AMD1: variants seen among roughly 807,000 people sequenced by gnomAD.
AMD1 encodes adenosylmethionine decarboxylase 1.
Under a neutral mutation model 40.2 loss-of-function variants are expected in AMD1, and 11 were observed. The observed-to-expected ratio is 0.27, with a 90% CI of 0.17 to 0.45. The LOEUF (loss-of-function observed/expected upper bound fraction) is 0.45, where lower values mean the gene tolerates loss of function less well. Among genes scored for constraint, AMD1 ranks in the 20% least tolerant of loss-of-function variants. AMD1 has a pLI of 1.00. For missense variants in AMD1, 257 were observed against 410.2 expected, an observed-to-expected ratio of 0.63 and a Z score of 3.23; for synonymous variants, 121 against 130.8, an observed-to-expected ratio of 0.93 and a Z score of 0.51.
chr6:110,895,644 A>G lies in AMD1; in HGVS notation c.*2028A>G, dbSNP rs985201992. 1 of 152,652 alleles carries G rather than the reference A, an allele frequency of 6.6e-6. No homozygotes were observed. The highest frequency in any genetic ancestry group is 1.5e-5 in the Non-Finnish European group (1 of 68,036). The allele number at this position is 152,652 out of a possible 1,614,324, so 9.5% of individuals were successfully genotyped here. On this transcript the variant is annotated 3_prime_UTR_variant, in exon 9 of 9. Transcript: ENST00000368885. ...CTTTCACTGGTGTTGGACTTAAATC[A>G]GTTGAAATGTATTTCTGTACCACAA...
At chr6:110,859,216 C>CT in the AMD1 span, 1,952 of 629,884 alleles carry the variant, frequency 3.1e-3, no homozygotes, top group Middle Eastern at 4.3e-3. Context: ...GTGTTTTCAT[C>CT]TTTTTTTTTC....
At chr6:110,887,629 A>G in intron 2 of AMD1, 38 bp downstream of exon 2, 1 of 1,383,610 alleles carries the variant, frequency 7.2e-7, no homozygotes, top group Non-Finnish European at 1.0e-6. Flanking sequence ...AGCTAATTTC[A>G]GTCCTAATCA....
chr6:110,855,348 G>A, the AMD1 span, among the ~76,000 whole-genome samples: 1 of 151,986 alleles, frequency 6.6e-6, no homozygotes, highest in East Asian at 1.9e-4. Context: ...TAATAGCCTT[G>A]TTTTATAAAA....
At chr6:110,884,549 T>C (rs1785583804) in intron 1 of AMD1, among the ~76,000 whole-genome samples, 1 of 152,116 alleles carries the variant, frequency 6.6e-6, no homozygotes, top group Admixed American at 6.6e-5. Flanking sequence ...ACTTCCCACA[T>C]CAGCCTACCG....
At chr6:110,877,622 C>T (rs1439815506) in intron 1 of AMD1, among the ~76,000 whole-genome samples, 1 of 152,350 alleles carries the variant, frequency 6.6e-6, no homozygotes, top group Non-Finnish European at 1.5e-5. Context: ...GCTGTTTCCT[C>T]ATCTGTAAAA....
Position 110,889,084 on chromosome 6 carries a change from A to G in AMD1, c.324+101A>G. On this transcript the variant is annotated intron_variant, in intron 3 of 8. Coordinates refer to ENST00000368885, the MANE Select transcript of AMD1 (RefSeq NM_001634.6). Reference sequence around the variant, plus strand: ...AATTTATATACTTACTGCCTTTGTTACAATGCATGCAAACACGTGGTAAGG... The same window carrying G: ...AATTTATATACTTACTGCCTTTGTTGCAATGCATGCAAACACGTGGTAAGG... The G allele has an allele frequency of 5.0e-6, 7 of 1,413,066 alleles. No individual in the cohort carries two copies. In the South Asian group the frequency reaches 7.0e-5, roughly 14 times the overall value. The allele number at this position is 1,413,066 out of a possible 1,614,324, so 87.5% of individuals were successfully genotyped here. A position where few individuals can be genotyped will look rare whatever the true frequency, so the allele number is the denominator to read the frequency against.
At chr6:110,815,255 GCGCCGCC>G in the AMD1 span, 68 of 1,154,276 alleles carry the variant, frequency 5.9e-5, no homozygotes, top group Admixed American at 1.3e-4. Flanking sequence ...GCGCGCGCGC[GCGCCGCC>G]CGCCGCCCGC....
chr6:110,858,074 A>T, the AMD1 span, among the ~76,000 whole-genome samples: 1 of 151,816 alleles, frequency 6.6e-6, no homozygotes, highest in Middle Eastern at 3.4e-3. Context: ...AAACTCCTGG[A>T]CTCGAGTGAT....
Position 110,894,442 on chromosome 6 carries a change from A to G in AMD1, c.*826A>G, listed in dbSNP as rs1488096449. 1 of 152,388 alleles carries G rather than the reference A, an allele frequency of 6.6e-6. No individual in the cohort carries two copies. The highest frequency in any genetic ancestry group is 1.5e-5 in the Non-Finnish European group (1 of 68,052). 9.4% of individuals were successfully genotyped at this position (152,388 alleles called of 1,614,324 possible). On this transcript the variant is annotated 3_prime_UTR_variant, in exon 9 of 9. Coordinates refer to ENST00000368885, the MANE Select transcript of AMD1 (RefSeq NM_001634.6). ...TTTATTGTAATGTGCTCTTTTGGAA[A>G]ATAGTTGGTTAGCAGGGAAGACCCA...
the AMD1 span, among the ~76,000 whole-genome samples, chr6:110,822,500 CTG>C: frequency 6.6e-6 from 1 of 152,078 alleles, no homozygotes; most frequent in African/African-American, 2.4e-5. Flanking sequence ...ACCAATCCTA[CTG>C]AACCAATTCC....
intron 1 of AMD1, among the ~76,000 whole-genome samples, chr6:110,880,653 A>G (rs1487877211): frequency 1.3e-5 from 2 of 152,126 alleles, no homozygotes; most frequent in Admixed American, 6.6e-5. Flanking sequence ...CTCTTGTTCA[A>G]GATAGTTGAG....
the AMD1 span, among the ~76,000 whole-genome samples, chr6:110,837,158 G>C: frequency 1.0e-5 from 1 of 95,592 alleles, no homozygotes; most frequent in African/African-American, 4.3e-5. Flanking sequence ...TACAGTCTGA[G>C]AAACAGAGCG....
the AMD1 span, among the ~76,000 whole-genome samples, chr6:110,865,373 G>C: frequency 6.6e-6 from 1 of 152,158 alleles, no homozygotes; most frequent in Non-Finnish European, 1.5e-5. Flanking sequence ...AAGGGACATG[G>C]AATGTTAAAA....
chr6:110,830,860 C>T, the AMD1 span, among the ~76,000 whole-genome samples: 1 of 152,158 alleles, frequency 6.6e-6, no homozygotes, highest in Non-Finnish European at 1.5e-5. Flanking sequence ...AGCAATTCTC[C>T]CACCTCAGAC....
At chr6:110,853,151 C>CTCA in the AMD1 span, among the ~76,000 whole-genome samples, 1 of 151,268 alleles carries the variant, frequency 6.6e-6, no homozygotes, top group African/African-American at 2.4e-5. Context: ...GAGACAGAGT[C>CTCA]TCACTCTGTC....
upstream of AMD1, among the ~76,000 whole-genome samples, chr6:110,869,891 G>A (rs1440307665): frequency 6.6e-6 from 1 of 152,114 alleles, no homozygotes; most frequent in African/African-American, 2.4e-5. Context: ...ATTGACATTA[G>A]AGAAAATCAT....
intron 1 of AMD1, among the ~76,000 whole-genome samples, chr6:110,886,507 T>G (rs1267434728): frequency 6.6e-6 from 1 of 152,152 alleles, no homozygotes; most frequent in Non-Finnish European, 1.5e-5. Flanking sequence ...GGTTTCACCA[T>G]GTTGGTCAGG....
At chr6:110,814,889 G>A in the AMD1 span, 2 of 1,370,104 alleles carry the variant, frequency 1.5e-6, no homozygotes, top group African/African-American at 1.5e-5. Context: ...ACGCAACCCC[G>A]CGACCCCCTC....
chr6:110,869,565 A>G, the AMD1 span, among the ~76,000 whole-genome samples: 1 of 148,926 alleles, frequency 6.7e-6, no homozygotes, highest in African/African-American at 2.5e-5. Context: ...GCTGGAGTGC[A>G]ATGGTGTGAT....
Sources: gnomAD v4.1 joint callset for allele counts (sites outside exome capture counted in the v4.1 genomes callset) on GRCh38, gnomAD v4.1.1 for gene constraint, MANE v1.5 for transcripts, NCBI Gene and HGNC (gene_info 2026-07-23, HGNC 2026-07-21) for gene names.